The following PCDH15 variants were observed in gnomAD, a reference collection of about 807,000 sequenced individuals.
The protein encoded by PCDH15 is protocadherin-15.
A neutral mutation model predicts 178.5 loss-of-function variants in PCDH15; 129 were observed. The ratio of observed to expected loss-of-function variants is 0.72; its 90% confidence interval spans 0.63 to 0.84. PCDH15 has a LOEUF of 0.84. PCDH15 is among the 40% of genes least tolerant of loss of function. PCDH15 has a pLI of 0.00. For synonymous variants in PCDH15, 800 were observed against 732.0 expected, an observed-to-expected ratio of 1.09 and a Z score of -1.50; for missense variants, 2,230 against 2,099.9, an observed-to-expected ratio of 1.06 and a Z score of -1.21.
intron 2 of PCDH15, chr10:54,600,503 T>C: frequency 1.7e-6 from 1 of 575,690 alleles, no homozygotes; most frequent in Non-Finnish European, 3.5e-6. Context: ...GTGACCAAAA[T>C]AGTAGAAAAA....
At chr10:55,463,984 A>AG (rs1839760411) in intron 2 of PCDH15, among the ~76,000 whole-genome samples, 1 of 36,454 alleles carries the variant, frequency 2.7e-5, no homozygotes, top group Non-Finnish European at 4.2e-5. Context: ...AGAAAGAAAG[A>AG]AAGAAAGAGA....
chr10:54,860,879 G>A (rs1026525133), intron 3 of PCDH15, among the ~76,000 whole-genome samples: 3 of 152,104 alleles, frequency 2.0e-5, no homozygotes, highest in Non-Finnish European at 4.4e-5. Flanking sequence ...GAGTGTCCTA[G>A]GCGATCATTA....
intron 2 of PCDH15, chr10:54,606,474 G>A (rs560584251): frequency 1.3e-5 from 2 of 152,202 alleles, no homozygotes; most frequent in East Asian, 3.9e-4. Flanking sequence ...CTTTGAGCAG[G>A]CTTCACATAC....
intron 2 of PCDH15, among the ~76,000 whole-genome samples, chr10:55,060,144 T>C (rs1202013883): frequency 6.6e-6 from 1 of 152,086 alleles, no homozygotes; most frequent in Non-Finnish European, 1.5e-5. Flanking sequence ...GAAAATATTA[T>C]GCTTTTTAGA....
At chr10:54,080,042 T>C (rs543883450) in intron 16 of PCDH15, among the ~76,000 whole-genome samples, 35 of 152,216 alleles carry the variant, frequency 2.3e-4, no homozygotes, top group East Asian at 7.7e-4. Context: ...AAATATATGA[T>C]TGTTTCAGAA....
intron 25 of PCDH15, among the ~76,000 whole-genome samples, chr10:53,922,729 T>C (rs1258346857): frequency 6.6e-6 from 1 of 152,154 alleles, no homozygotes; most frequent in Non-Finnish European, 1.5e-5. Context: ...ATAGGGATCA[T>C]TTAGAAGCAA....
At chr10:53,808,285 T>A in intron 37 of PCDH15, 1 of 397,292 alleles carries the variant, frequency 2.5e-6, no homozygotes, top group Non-Finnish European at 3.4e-6. Flanking sequence ...CTTGTCTTAG[T>A]ATTTATTTTG....
intron 2 of PCDH15, among the ~76,000 whole-genome samples, chr10:55,538,810 T>TCC (rs1841678217): frequency 7.6e-6 from 1 of 132,356 alleles, no homozygotes; most frequent in Non-Finnish European, 1.7e-5. Flanking sequence ...CTTTCCTTCC[T>TCC]TCCTTTCCTT....
intron 26 of PCDH15, among the ~76,000 whole-genome samples, chr10:53,881,035 A>G (rs1035783310): frequency 1.3e-5 from 2 of 151,804 alleles, no homozygotes; most frequent in African/African-American, 4.9e-5. Context: ...ACATATGTAT[A>G]CACATGCACA....
intron 15 of PCDH15, among the ~76,000 whole-genome samples, chr10:54,116,164 ATTCT>A (rs1221883103): frequency 6.6e-6 from 1 of 151,554 alleles, no homozygotes; most frequent in Non-Finnish European, 1.5e-5. Context: ...GAAACTATCA[ATTCT>A]GTCACATCAT....
intron 2 of PCDH15, among the ~76,000 whole-genome samples, chr10:55,445,552 A>G (rs1839297175): frequency 6.6e-6 from 1 of 152,148 alleles, no homozygotes; most frequent in Non-Finnish European, 1.5e-5. Context: ...AAAAATACAT[A>G]TGCTACAAAC....
chr10:54,970,871 C>T (rs1025753226), intron 2 of PCDH15, among the ~76,000 whole-genome samples: 1 of 152,128 alleles, frequency 6.6e-6, no homozygotes, highest in Non-Finnish European at 1.5e-5. Flanking sequence ...ACTGCTTTCT[C>T]TATTACTAAT....
intron 1 of PCDH15, among the ~76,000 whole-genome samples, chr10:54,729,516 A>G (rs1943052168): frequency 6.6e-6 from 1 of 151,530 alleles, no homozygotes; most frequent in Admixed American, 6.6e-5. Context: ...GACTACGACT[A>G]CAAAAGCAAT....
intron 10 of PCDH15, among the ~76,000 whole-genome samples, chr10:54,209,224 C>A (rs906988484): frequency 1.5e-4 from 23 of 151,966 alleles, no homozygotes; most frequent in African/African-American, 5.6e-4. Flanking sequence ...AGGTAGGGGG[C>A]AAATTGTAAA....
At chr10:54,023,607 T>C (rs1164946303) in intron 18 of PCDH15, among the ~76,000 whole-genome samples, 1 of 148,898 alleles carries the variant, frequency 6.7e-6, no homozygotes, top group Non-Finnish European at 1.5e-5. Context: ...TCATTTTATA[T>C]TTATATATGT....
intron 2 of PCDH15, among the ~76,000 whole-genome samples, chr10:54,581,667 T>C (rs961098717): frequency 4.6e-5 from 7 of 152,036 alleles, no homozygotes; most frequent in African/African-American, 1.7e-4. Flanking sequence ...TTATCCGACT[T>C]CAGCTATACA....
At chr10:54,701,833 T>A (rs2095311971) in intron 1 of PCDH15, among the ~76,000 whole-genome samples, 1 of 152,084 alleles carries the variant, frequency 6.6e-6, no homozygotes, top group Non-Finnish European at 1.5e-5. Context: ...CAAAGAGACT[T>A]AGATAACCAC....
intron 2 of PCDH15, among the ~76,000 whole-genome samples, chr10:55,059,430 A>G (rs1244962123): frequency 6.6e-6 from 1 of 152,216 alleles, no homozygotes; most frequent in Admixed American, 6.6e-5. Context: ...TAACAAATGG[A>G]CAACTCAATA....
At chr10:54,509,847 A>G (rs2081487980) in intron 3 of PCDH15, among the ~76,000 whole-genome samples, 1 of 152,160 alleles carries the variant, frequency 6.6e-6, no homozygotes. Context: ...CCTACTATTC[A>G]TCAACAGCAG....
Sources: allele counts gnomAD v4.1 joint callset (sites outside exome capture counted in the v4.1 genomes callset), GRCh38; gene constraint gnomAD v4.1.1; transcripts MANE v1.5; gene names NCBI Gene and HGNC (gene_info 2026-07-23, HGNC 2026-07-21).